The following HDAC9 variants were observed in gnomAD, a reference collection of about 807,000 sequenced individuals.
The protein encoded by HDAC9 is histone deacetylase 9.
In HDAC9, 41 loss-of-function variants were observed where a neutral mutation model predicts 139.4. That is an observed-to-expected ratio of 0.29 (90% CI 0.23 to 0.38). The LOEUF (loss-of-function observed/expected upper bound fraction) is 0.38, where lower values mean the gene tolerates loss of function less well. Ranked by LOEUF, HDAC9 falls within the 10% of genes least tolerant of loss-of-function variation. The pLI, the probability that HDAC9 is intolerant of heterozygous loss-of-function variation, is 1.00. For synonymous variants in HDAC9, 517 were observed against 476.2 expected, an observed-to-expected ratio of 1.09 and a Z score of -1.12; for missense variants, 1,147 against 1,297.0, an observed-to-expected ratio of 0.88 and a Z score of 1.78.
intron 1 of HDAC9, among the ~76,000 whole-genome samples, chr7:18,480,410 C>G (rs1795463896): frequency 1.3e-5 from 2 of 152,174 alleles, no homozygotes; most frequent in South Asian, 4.1e-4. Flanking sequence ...ATGTGCTGTA[C>G]AATTCTAAAA....
chr7:18,875,754 G>A (rs534778936), intron 22 of HDAC9, among the ~76,000 whole-genome samples: 1 of 152,206 alleles, frequency 6.6e-6, no homozygotes, highest in South Asian at 2.1e-4. Flanking sequence ...TTAAAAAATT[G>A]TTATTATTAT....
At chr7:18,853,916 A>G (rs1797485159) in intron 21 of HDAC9, among the ~76,000 whole-genome samples, 1 of 152,182 alleles carries the variant, frequency 6.6e-6, no homozygotes, top group African/African-American at 2.4e-5. Flanking sequence ...ATGTCTGGTT[A>G]TCTTAAGTGT....
intron 22 of HDAC9, among the ~76,000 whole-genome samples, chr7:18,907,944 A>G (rs1035187689): frequency 2.6e-5 from 4 of 152,088 alleles, no homozygotes; most frequent in African/African-American, 9.7e-5. Context: ...TGTATATATC[A>G]TGTATTTAGC....
At chr7:18,895,101 C>T (rs1418126662) in intron 22 of HDAC9, among the ~76,000 whole-genome samples, 4 of 151,968 alleles carry the variant, frequency 2.6e-5, no homozygotes, top group Admixed American at 2.6e-4. Context: ...GATCTACTAG[C>T]GGAAAATAGC....
intron 17 of HDAC9, among the ~76,000 whole-genome samples, chr7:18,811,688 T>C (rs910646982): frequency 2.0e-5 from 3 of 151,934 alleles, no homozygotes; most frequent in Non-Finnish European, 4.4e-5. Context: ...ATTGTATATT[T>C]ACTTTTATGC....
chr7:18,452,755 C>A lies in HDAC9; in HGVS notation c.-41-43507C>A, dbSNP rs143253641. 4.5e-3 allele frequency among the ~76,000 whole-genome samples: 689 copies of A among 152,262 alleles called. 5 individuals are homozygous for A. The highest frequency in any genetic ancestry group is 0.016 in the African/African-American group (653 of 41,554). ...ACAGGGCAGTTCCCCTGCACATGCT[C>A]TCTTGCCTGCCGCCATGTAAGATGT... On this transcript the variant is annotated intron_variant, in intron 1 of 3. Transcript: ENST00000413509.
chr7:18,574,684 G>C (rs556976926), intron 2 of HDAC9, among the ~76,000 whole-genome samples: 6 of 152,228 alleles, frequency 3.9e-5, no homozygotes, highest in Non-Finnish European at 8.8e-5. Context: ...GCTCTTTGGT[G>C]CCCAAGTCCA....
At chr7:18,746,134 G>A (rs1311212913) in intron 13 of HDAC9, among the ~76,000 whole-genome samples, 1 of 151,966 alleles carries the variant, frequency 6.6e-6, no homozygotes, top group Non-Finnish European at 1.5e-5. Context: ...GCCTCCCAAA[G>A]TGCTAGGCTT....
chr7:18,579,805 G>A (rs1827205995), intron 2 of HDAC9, among the ~76,000 whole-genome samples: 1 of 152,070 alleles, frequency 6.6e-6, no homozygotes, highest in South Asian at 2.1e-4. Context: ...GTGTGTGTGT[G>A]TGTATGTGTG....
chr7:18,541,680 G>C (rs1813017787), intron 2 of HDAC9, among the ~76,000 whole-genome samples: 1 of 152,116 alleles, frequency 6.6e-6, no homozygotes, highest in Non-Finnish European at 1.5e-5. Context: ...TATCTGTACA[G>C]TGACTGAAAT....
chr7:18,659,160 G>T (rs927978973), intron 11 of HDAC9, among the ~76,000 whole-genome samples: 1 of 152,086 alleles, frequency 6.6e-6, no homozygotes, highest in African/African-American at 2.4e-5. Flanking sequence ...TATTTGTTGG[G>T]ATGCAAAGGA....
At chr7:18,170,771 T>G (rs901176644) in intron 2 of HDAC9, among the ~76,000 whole-genome samples, 1 of 152,196 alleles carries the variant, frequency 6.6e-6, no homozygotes, top group African/African-American at 2.4e-5. Context: ...TGTGGTGTTA[T>G]TTCTGAAGCA....
intron 1 of HDAC9, among the ~76,000 whole-genome samples, chr7:18,441,859 C>G (rs1791797740): frequency 6.6e-6 from 1 of 152,168 alleles, no homozygotes; most frequent in African/African-American, 2.4e-5. Flanking sequence ...GCTCCGCCTC[C>G]CGGGTTCACG....
intron 15 of HDAC9, among the ~76,000 whole-genome samples, chr7:18,765,089 G>C (rs1158342028): frequency 6.6e-6 from 1 of 152,100 alleles, no homozygotes; most frequent in African/African-American, 2.4e-5. Context: ...CTTGAGGCTA[G>C]CCAAATTTCA....
chr7:18,136,353 G>T (rs922830283), intron 1 of HDAC9, among the ~76,000 whole-genome samples: 1 of 152,216 alleles, frequency 6.6e-6, no homozygotes, highest in Admixed American at 6.5e-5. Flanking sequence ...ATTGCTTTTG[G>T]TGTTTTAGAC....
chr7:18,647,671 G>T (rs1030514437), intron 9 of HDAC9, 114 bp from the exon 10 acceptor site: 3 of 820,718 alleles, frequency 3.7e-6, no homozygotes, highest in Non-Finnish European at 5.6e-6. Context: ...CATTGGGTAA[G>T]ATGGGGCTTT....
At chr7:18,577,542 T>C (rs919654278) in intron 2 of HDAC9, among the ~76,000 whole-genome samples, 1 of 152,194 alleles carries the variant, frequency 6.6e-6, no homozygotes, top group Non-Finnish European at 1.5e-5. Context: ...TTTCTCCTAT[T>C]CTCAGAACCT....
At chr7:18,710,610 A>C (rs1784275337) in intron 12 of HDAC9, among the ~76,000 whole-genome samples, 1 of 152,234 alleles carries the variant, frequency 6.6e-6, no homozygotes, top group Non-Finnish European at 1.5e-5. Context: ...TAGCTCATTA[A>C]CATTCAGCAC....
chr7:18,440,169 G>A (rs1791615165), intron 1 of HDAC9, among the ~76,000 whole-genome samples: 1 of 151,196 alleles, frequency 6.6e-6, no homozygotes, highest in Non-Finnish European at 1.5e-5. Flanking sequence ...CTCTTAACTA[G>A]GTTTACCTCT....
Sources: allele counts gnomAD v4.1 joint callset (sites outside exome capture counted in the v4.1 genomes callset), GRCh38; gene constraint gnomAD v4.1.1; transcripts MANE v1.5; gene names NCBI Gene and HGNC (gene_info 2026-07-23, HGNC 2026-07-21).